KLF8: variants seen among roughly 807,000 people sequenced by gnomAD.
KLF8 encodes the protein KLF transcription factor 8.
A neutral mutation model predicts 18.2 loss-of-function variants in KLF8; 10 were observed. The ratio of observed to expected loss-of-function variants is 0.55; its 90% CI spans 0.34 to 0.93. The LOEUF is 0.93. KLF8 is among the 40% of genes least tolerant of loss of function. The pLI is 0.02. For missense variants in KLF8, 264 were observed against 277.9 expected, an observed-to-expected ratio of 0.95 and a Z score of 0.36; for synonymous variants, 109 against 97.3, an observed-to-expected ratio of 1.12 and a Z score of -0.71.
the KLF8 span, among the ~76,000 whole-genome samples, chrX:55,921,122 C>T: frequency 4.3e-4 from 48 of 112,407 alleles, no homozygotes; most frequent in Non-Finnish European, 7.9e-4. Context: ...TACTTTCAAA[C>T]TATGCATCTG....
At chrX:55,961,372 A>G in the KLF8 span, 1 of 478,362 alleles carries the variant, frequency 2.1e-6, no homozygotes, top group East Asian at 4.3e-5. Context: ...GGACACCGAT[A>G]GCAAAAAGAT....
At chrX:55,967,265 G>T in the KLF8 span, among the ~76,000 whole-genome samples, 1 of 111,313 alleles carries the variant, frequency 9.0e-6, no homozygotes, top group East Asian at 2.8e-4. Context: ...GTACAAGAAG[G>T]TTACAGAACA....
At chrX:56,145,317 A>T in the KLF8 span, among the ~76,000 whole-genome samples, 1 of 111,672 alleles carries the variant, frequency 9.0e-6, no homozygotes, top group Non-Finnish European at 1.9e-5. Flanking sequence ...TGTTGATGAG[A>T]ATATAGAGAA....
At chrX:56,257,104 A>G (rs1396861131) in intron 2 of KLF8, among the ~76,000 whole-genome samples, 1 of 111,822 alleles carries the variant, frequency 8.9e-6, no homozygotes, top group Non-Finnish European at 1.9e-5. Flanking sequence ...TGGTGTTTGT[A>G]TAGTTTCCTA....
At chrX:56,045,056 G>A in the KLF8 span, among the ~76,000 whole-genome samples, 2 of 112,067 alleles carry the variant, frequency 1.8e-5, no homozygotes, top group African/African-American at 6.5e-5. Context: ...TTTGGTCCAT[G>A]TTGAGTTGAT....
At chrX:56,149,228 G>C in the KLF8 span, among the ~76,000 whole-genome samples, 1 of 111,472 alleles carries the variant, frequency 9.0e-6, no homozygotes, top group African/African-American at 3.3e-5. Flanking sequence ...ATCTATGTCG[G>C]ATATTTAGAT....
the KLF8 span, among the ~76,000 whole-genome samples, chrX:56,167,238 C>A: frequency 1.8e-5 from 2 of 111,561 alleles, no homozygotes; most frequent in Non-Finnish European, 3.8e-5. Context: ...TCAAGCGATT[C>A]TCCTGCCTCA....
At chrX:56,171,601 C>G in the KLF8 span, among the ~76,000 whole-genome samples, 2 of 111,421 alleles carry the variant, frequency 1.8e-5, no homozygotes, top group Non-Finnish European at 3.8e-5. Context: ...AAATTCCCAC[C>G]TATGAGTGAG....
At chrX:56,032,537 A>G in the KLF8 span, among the ~76,000 whole-genome samples, 3 of 111,575 alleles carry the variant, frequency 2.7e-5, no homozygotes, top group Non-Finnish European at 5.7e-5. Context: ...GATCTCTTTC[A>G]CTGCAATTTT....
the KLF8 span, among the ~76,000 whole-genome samples, chrX:56,224,352 A>G: frequency 8.9e-6 from 1 of 111,982 alleles, no homozygotes; most frequent in Non-Finnish European, 1.9e-5. Flanking sequence ...AATTATATCA[A>G]AACTACAAAT....
At chrX:56,013,791 C>A in the KLF8 span, among the ~76,000 whole-genome samples, 1 of 111,447 alleles carries the variant, frequency 9.0e-6, no homozygotes, top group Non-Finnish European at 1.9e-5. Flanking sequence ...CTGAGGCCTC[C>A]CCAGCTATGC....
the KLF8 span, among the ~76,000 whole-genome samples, chrX:56,099,890 A>C: frequency 4.4e-5 from 5 of 112,489 alleles, no homozygotes; most frequent in African/African-American, 1.6e-4. Flanking sequence ...GTGAAGCAGC[A>C]AGTGCTGATG....
the KLF8 span, among the ~76,000 whole-genome samples, chrX:55,941,714 A>G: frequency 2.0e-4 from 22 of 112,318 alleles, 1 homozygote; most frequent in Admixed American, 4.7e-4. Flanking sequence ...AAGGATATGA[A>G]CAGACACTTC....
the KLF8 span, among the ~76,000 whole-genome samples, chrX:56,020,844 A>G: frequency 1.8e-4 from 20 of 112,197 alleles, no homozygotes; most frequent in African/African-American, 4.9e-4. Flanking sequence ...ACCTATAAGT[A>G]TAGCTGTGCT....
At chrX:56,111,799 T>C in the KLF8 span, among the ~76,000 whole-genome samples, 3 of 111,925 alleles carry the variant, frequency 2.7e-5, no homozygotes, top group African/African-American at 6.5e-5. Context: ...CTCACGCCAG[T>C]TAGAATGGCG....
chrX:56,025,493 A>T, the KLF8 span, among the ~76,000 whole-genome samples: 2 of 111,897 alleles, frequency 1.8e-5, no homozygotes, highest in African/African-American at 3.2e-5. Flanking sequence ...CAAGACCAGT[A>T]TTGACACACA....
the KLF8 span, among the ~76,000 whole-genome samples, chrX:56,212,306 C>A: frequency 1.8e-5 from 2 of 110,018 alleles, no homozygotes; most frequent in Non-Finnish European, 3.8e-5. Context: ...GCTTACACTC[C>A]CTTGGCTGTC....
the KLF8 span, among the ~76,000 whole-genome samples, chrX:55,985,608 C>T: frequency 2.9e-5 from 3 of 104,791 alleles, no homozygotes; most frequent in African/African-American, 1.0e-4. Flanking sequence ...GGCTATTCAG[C>T]GTCTTTTTTG....
At chrX:56,136,862 A>G in the KLF8 span, among the ~76,000 whole-genome samples, 1 of 110,922 alleles carries the variant, frequency 9.0e-6, no homozygotes, top group African/African-American at 3.3e-5. Flanking sequence ...TCATCCGTCA[A>G]AGAGCTAATA....
Sources: allele counts gnomAD v4.1 joint callset (sites outside exome capture counted in the v4.1 genomes callset), GRCh38; gene constraint gnomAD v4.1.1; transcripts MANE v1.5; gene names NCBI Gene and HGNC (gene_info 2026-07-23, HGNC 2026-07-21).